The following ITGA4 variants were observed in gnomAD, a reference collection of about 807,000 sequenced individuals.
ITGA4 encodes the protein integrin subunit alpha 4, also known as integrin alpha-4.
Under a neutral mutation model 133.6 loss-of-function variants are expected in ITGA4, and 63 were observed. The ratio of observed to expected loss-of-function variants is 0.47; its 90% CI spans 0.38 to 0.58. ITGA4 has a LOEUF of 0.58. Ranked by LOEUF, ITGA4 falls within the 20% of genes least tolerant of loss-of-function variation. ITGA4 has a pLI of 0.00. For synonymous variants in ITGA4, 483 were observed against 438.0 expected, an observed-to-expected ratio of 1.10 and a Z score of -1.28; for missense variants, 1,076 against 1,252.7, an observed-to-expected ratio of 0.86 and a Z score of 2.13.
At chr2:181,470,136 A>G (rs1467921504) in intron 2 of ITGA4, among the ~76,000 whole-genome samples, 1 of 152,158 alleles carries the variant, frequency 6.6e-6, no homozygotes, top group African/African-American at 2.4e-5. Flanking sequence ...TGTTGATGGG[A>G]AAGTAAGTAT....
chr2:181,497,394 A>T (rs1257590189), intron 14 of ITGA4, among the ~76,000 whole-genome samples: 1 of 152,114 alleles, frequency 6.6e-6, no homozygotes, highest in Admixed American at 6.5e-5. Flanking sequence ...GGACATTTTA[A>T]CTCTTACTAA....
At chr2:181,505,077 C>T (rs1408614645) in intron 15 of ITGA4, among the ~76,000 whole-genome samples, 2 of 151,886 alleles carry the variant, frequency 1.3e-5, no homozygotes, top group Non-Finnish European at 2.9e-5. Flanking sequence ...TAAGAGCCTC[C>T]CCAGCCCCTT....
chr2:181,513,627 T>C (rs1353855187), intron 17 of ITGA4, among the ~76,000 whole-genome samples: 1 of 152,068 alleles, frequency 6.6e-6, no homozygotes, highest in African/African-American at 2.4e-5. Flanking sequence ...ATAACAGTGC[T>C]TCAGTGGCTC....
chr2:181,490,783 A>G (rs1686036598), intron 10 of ITGA4, among the ~76,000 whole-genome samples: 1 of 152,122 alleles, frequency 6.6e-6, no homozygotes, highest in Non-Finnish European at 1.5e-5. Flanking sequence ...TGGTTGTGAG[A>G]GTTACTTGGG....
chr2:181,467,331 A>G (rs1005476586), intron 2 of ITGA4, among the ~76,000 whole-genome samples: 1 of 152,164 alleles, frequency 6.6e-6, no homozygotes, highest in Non-Finnish European at 1.5e-5. Context: ...ATGTTGTCTT[A>G]GTAGCCAGAA....
At chr2:181,488,559 T>A (rs539913832) in intron 10 of ITGA4, among the ~76,000 whole-genome samples, 1 of 151,998 alleles carries the variant, frequency 6.6e-6, no homozygotes, top group Non-Finnish European at 1.5e-5. Flanking sequence ...AGTTCTTTTT[T>A]TATTTTATTT....
chr2:181,530,641 A>T lies in ITGA4; in HGVS notation c.2656A>T (p.Arg886Trp). The change falls in exon 24 of 28, where the codon AGG becomes TGG. Residue 886 changes from arginine (R) to tryptophan (W), a missense_variant. By Grantham distance (101) the Arg-to-Trp change is moderately radical. Coordinates refer to ENST00000397033, the MANE Select transcript of ITGA4 (RefSeq NM_000885.6). ...IVRFLSKTDK[R>W]LLYCIKADPH... ...CCGGTTCTTGTCCAAGACTGATAAG[A>T]GGCTATTGGTAAGTTTCAGTTTTTC... 1.2e-6 allele frequency: 2 copies of T among 1,610,652 alleles called. No individual in the cohort carries two copies. Among genetic ancestry groups the T allele is most frequent in the Non-Finnish European group, 1.7e-6 (2 of 1,178,022 alleles).
chr2:181,490,619 T>C (rs1030073145), intron 10 of ITGA4, among the ~76,000 whole-genome samples: 3 of 152,026 alleles, frequency 2.0e-5, no homozygotes, highest in Admixed American at 6.6e-5. Context: ...TTAATGAGTC[T>C]ATAGAGCATG....
Position 181,481,632 on chromosome 2 carries a change from G to T in ITGA4, c.789G>T (p.Gln263His), listed in dbSNP as rs1440904569. The change falls in exon 7 of 28, where the codon CAG (glutamine) becomes CAT (histidine). Residue 263 changes from glutamine to histidine, a missense_variant. Around this residue, in one of 4 missense-constraint regions of ITGA4, gnomAD observed 436 missense variants for 590.7 expected, o/e 0.74. Transcript: ENST00000397033. ...YSVGAGHFRSQHTTEVVGGAP... is the reference protein window; with the variant it reads ...YSVGAGHFRSHHTTEVVGGAP... ...TCGGAGCTGGTCATTTTCGGAGCCA[G>T]CATACTACCGAAGTAGTCGGAGGAG... The T allele has an allele frequency of 6.3e-7, 1 of 1,599,562 alleles. No homozygotes were observed. Among genetic ancestry groups the T allele is most frequent in the East Asian group, 2.2e-5 (1 of 44,482 alleles).
intron 21 of ITGA4, 96 bp downstream of exon 21, chr2:181,525,387 T>A (rs927916096): frequency 2.2e-5 from 14 of 640,130 alleles, no homozygotes; most frequent in South Asian, 1.5e-4. Flanking sequence ...AGAATTTTTT[T>A]AAAATAAAAA....
At chr2:181,513,739 T>C (rs1464983952) in intron 17 of ITGA4, among the ~76,000 whole-genome samples, 1 of 152,156 alleles carries the variant, frequency 6.6e-6, no homozygotes, top group Non-Finnish European at 1.5e-5. Context: ...GGCTGTGCCA[T>C]GCTCTCCTGA....
intron 27 of ITGA4, among the ~76,000 whole-genome samples, 190 bp from the exon 28 acceptor site, chr2:181,535,242 A>C (rs912864542): frequency 6.6e-6 from 1 of 152,148 alleles, no homozygotes; most frequent in African/African-American, 2.4e-5. Context: ...TTAAAAACAA[A>C]AATGTTTCTT....
intron 22 of ITGA4, among the ~76,000 whole-genome samples, chr2:181,529,295 CTT>C (rs1440512068): frequency 2.6e-5 from 4 of 152,236 alleles, no homozygotes; most frequent in Middle Eastern, 6.8e-3. Flanking sequence ...TCAGCCTGTA[CTT>C]TTTGTTTTCA....
chr2:181,521,891 G>T (rs1413036069), intron 17 of ITGA4, among the ~76,000 whole-genome samples: 1 of 152,134 alleles, frequency 6.6e-6, no homozygotes, highest in East Asian at 1.9e-4. Context: ...TCAGGAAAAT[G>T]TTAAAATTAT....
chr2:181,522,642 G>A (rs1017763378), intron 18 of ITGA4, among the ~76,000 whole-genome samples: 6 of 152,024 alleles, frequency 3.9e-5, no homozygotes, highest in Admixed American at 3.3e-4. Context: ...CCTTGATTGT[G>A]GTCCTTGCAC....
chr2:181,501,675 T>G (rs376245987), intron 15 of ITGA4, among the ~76,000 whole-genome samples: 12 of 152,166 alleles, frequency 7.9e-5, no homozygotes, highest in Non-Finnish European at 1.5e-4. Context: ...GTCTGGCATC[T>G]GAGAAAGAGG....
At chr2:181,485,723 TATTGA>T (rs1297112686) in intron 9 of ITGA4, among the ~76,000 whole-genome samples, 153 bp from the exon 10 acceptor site, 3 of 152,218 alleles carry the variant, frequency 2.0e-5, no homozygotes, top group African/African-American at 7.2e-5. Flanking sequence ...AATAAATATT[TATTGA>T]ATTGAACTGA....
Position 181,457,563 on chromosome 2 carries a change from T to A in ITGA4, c.-92T>A. Reference sequence around the variant, plus strand: ...CGCCGGACACGCTGCGCCTCATCTCTTGGGGCGTTCTTCCCCGTTGGCCAA... The same window carrying A: ...CGCCGGACACGCTGCGCCTCATCTCATGGGGCGTTCTTCCCCGTTGGCCAA... On this transcript the variant is annotated 5_prime_UTR_variant, in exon 1 of 28. The change creates a new upstream start codon in the 5' untranslated region. Transcript: ENST00000397033. 8.5e-7 allele frequency: 1 copy of A among 1,183,260 alleles called. No individual in the cohort carries two copies. The highest frequency in any genetic ancestry group is 1.2e-6 in the Non-Finnish European group (1 of 836,596). 73.3% of individuals were successfully genotyped at this position (1,183,260 alleles called of 1,614,324 possible). A position where few individuals can be genotyped will look rare whatever the true frequency, so the allele number is the denominator to read the frequency against.
chr2:181,531,929 T>A (rs1003842818), intron 25 of ITGA4, among the ~76,000 whole-genome samples, 153 bp downstream of exon 25: 2 of 152,236 alleles, frequency 1.3e-5, no homozygotes, highest in African/African-American at 4.8e-5. Flanking sequence ...TTCTATCACT[T>A]CAACTATCTA....
Sources: gnomAD v4.1 joint callset for allele counts (sites outside exome capture counted in the v4.1 genomes callset) on GRCh38, gnomAD v4.1.1 for gene constraint, gnomAD v4.1.1 regional missense constraint, MANE v1.5 for transcripts, NCBI Gene and HGNC (gene_info 2026-07-23, HGNC 2026-07-21) for gene names.